Variants in KIFAP3 observed in about 807,000 individuals in gnomAD.
The protein encoded by KIFAP3 is kinesin-associated protein 3.
KIFAP3 carries 68 observed loss-of-function variants against 106.5 expected under a neutral mutation model. The observed-to-expected ratio is 0.64, with a 90% confidence interval of 0.53 to 0.78. The LOEUF (loss-of-function observed/expected upper bound fraction) is 0.78, where lower values mean the gene tolerates loss of function less well. KIFAP3 is among the 30% of genes least tolerant of loss of function. The pLI, the probability that KIFAP3 is intolerant of heterozygous loss-of-function variation, is 0.00. For missense variants in KIFAP3, 780 were observed against 941.8 expected, an observed-to-expected ratio of 0.83 and a Z score of 2.25; for synonymous variants, 320 against 311.5, an observed-to-expected ratio of 1.03 and a Z score of -0.29.
chr1:169,932,657 A>G (rs1663555151), intron 19 of KIFAP3, among the ~76,000 whole-genome samples: 1 of 151,714 alleles, frequency 6.6e-6, no homozygotes. Flanking sequence ...TCTCTCTTAT[A>G]TGAATAAAAA....
intron 11 of KIFAP3, among the ~76,000 whole-genome samples, chr1:169,987,465 C>A (rs541536034): frequency 6.6e-6 from 1 of 152,032 alleles, no homozygotes; most frequent in African/African-American, 2.4e-5. Context: ...CTCTACCACC[C>A]CCATCCCCTA....
intron 18 of KIFAP3, among the ~76,000 whole-genome samples, chr1:169,956,613 T>G (rs1023627294): frequency 6.8e-6 from 1 of 146,068 alleles, no homozygotes; most frequent in Non-Finnish European, 1.5e-5. Flanking sequence ...TGAAGTTCTT[T>G]TTTTTTTTTT....
chr1:170,049,555 C>A (rs1166361382), intron 2 of KIFAP3, among the ~76,000 whole-genome samples: 1 of 152,212 alleles, frequency 6.6e-6, no homozygotes, highest in Non-Finnish European at 1.5e-5. Flanking sequence ...GACCTCCCAA[C>A]AGGGGTTGAT....
chr1:170,039,416 ATCTCT>A (rs1164897852), intron 3 of KIFAP3, 128 bp from the exon 4 acceptor site: 7 of 559,894 alleles, frequency 1.3e-5, no homozygotes, highest in Non-Finnish European at 2.2e-5. Context: ...TTATGAAATA[ATCTCT>A]TCTCAATGCA....
chr1:169,925,217 C>T (rs1481750237), intron 19 of KIFAP3, among the ~76,000 whole-genome samples: 2 of 151,982 alleles, frequency 1.3e-5, no homozygotes, highest in African/African-American at 4.8e-5. Context: ...GCCATTTCAC[C>T]TTTTTCCTTC....
chr1:170,064,389 T>C (rs1357985799), intron 1 of KIFAP3, among the ~76,000 whole-genome samples: 1 of 152,204 alleles, frequency 6.6e-6, no homozygotes, highest in Non-Finnish European at 1.5e-5. Flanking sequence ...GGTCTCACTC[T>C]TGTCACCTAG....
At position 170,016,623 on chromosome 1, in the gene KIFAP3, A is replaced by G; in HGVS notation, c.1022T>C (p.Val341Ala). The G allele has an allele frequency of 1.3e-6, 2 of 1,562,780 alleles. No homozygotes were observed. Among genetic ancestry groups the G allele is most frequent in the African/African-American group, 1.4e-5 (1 of 72,176 alleles). Reference protein sequence around the residue: ...SIFMENKNDMVEMDIVEKLVK... With the variant: ...SIFMENKNDMAEMDIVEKLVK... Reference sequence around the variant, plus strand: ...CAGTTTTTCAACAATATCCATTTCCACCTAAGTAAAATAATAATACAAATA... The same window carrying G: ...CAGTTTTTCAACAATATCCATTTCCGCCTAAGTAAAATAATAATACAAATA... The change falls in exon 10 of 20, where the codon GTG (valine) becomes GCG (alanine). Residue 341 changes from valine (V) to alanine (A), a missense_variant and splice_region_variant. By Grantham distance (64) the Val-to-Ala change is moderately conservative. Coordinates refer to ENST00000361580, the MANE Select transcript of KIFAP3 (RefSeq NM_014970.4).
At chr1:170,077,869 T>G (rs75603336), upstream of KIFAP3, among the ~76,000 whole-genome samples, 10,842 of 150,554 alleles carry the variant, frequency 0.072, 435 homozygotes, top group Non-Finnish European at 0.095. Flanking sequence ...GACAATCCAT[T>G]TTGTTTTTCG....
intron 19 of KIFAP3, among the ~76,000 whole-genome samples, chr1:169,925,369 C>T (rs980560046): frequency 4.0e-5 from 6 of 151,894 alleles, no homozygotes; most frequent in Middle Eastern, 3.4e-3. Flanking sequence ...AGTCAATCTG[C>T]CATTAAGTTT....
rs1670289041 is a variant in KIFAP3, at chr1:170,046,937, T to G, written c.165-71A>C. ...TAACTTCAATACTACTACTTTAAAA[T>G]AATTTATAGATTATAAATTATTATA... On this transcript the variant is annotated intron_variant, in intron 2 of 19. Transcript: ENST00000361580. 4.9e-6 allele frequency: 4 copies of G among 813,796 alleles called. No individual in the cohort carries two copies. In the South Asian group the frequency reaches 1.5e-4, roughly 30 times the overall value. The allele number at this position is 813,796 out of a possible 1,614,324, so 50.4% of individuals were successfully genotyped here.
At chr1:169,993,287 T>G (rs1387135299) in intron 10 of KIFAP3, among the ~76,000 whole-genome samples, 1 of 151,586 alleles carries the variant, frequency 6.6e-6, no homozygotes, top group Non-Finnish European at 1.5e-5. Flanking sequence ...TTTATTTTTA[T>G]TTTTAGTAGA....
chr1:170,063,063 C>A (rs1386831259), intron 1 of KIFAP3, among the ~76,000 whole-genome samples: 1 of 152,092 alleles, frequency 6.6e-6, no homozygotes, highest in East Asian at 1.9e-4. Context: ...CCAAAACTAG[C>A]CTTGAAACCA....
intron 16 of KIFAP3, among the ~76,000 whole-genome samples, chr1:169,973,136 C>T (rs1435881921): frequency 2.2e-5 from 1 of 44,954 alleles, no homozygotes; most frequent in Admixed American, 2.6e-4. Flanking sequence ...CAACACAAAT[C>T]AGGATTAGAA....
Position 170,074,614 on chromosome 1 carries a change from T to A in KIFAP3, c.-147A>T. 1 of 1,513,252 alleles carries A rather than the reference T, an allele frequency of 6.6e-7. No individual in the cohort carries two copies. The highest frequency in any genetic ancestry group is 2.1e-5 in the Admixed American group (1 of 48,736). The allele number at this position is 1,513,252 out of a possible 1,614,324, so 93.7% of individuals were successfully genotyped here. On this transcript the variant is annotated 5_prime_UTR_variant, in exon 1 of 20. Coordinates refer to ENST00000361580, the MANE Select transcript of KIFAP3 (RefSeq NM_014970.4). ...GGCGGGGCAGCAGCGGCGCTGTGGT[T>A]ACCACGGTGAAGCCTCCAGCTCCTC... is the stretch of plus-strand genomic sequence containing the variant.
At chr1:170,048,505 T>G (rs1336093858) in intron 2 of KIFAP3, among the ~76,000 whole-genome samples, 1 of 151,914 alleles carries the variant, frequency 6.6e-6, no homozygotes, top group Non-Finnish European at 1.5e-5. Context: ...GAACATGTTT[T>G]CAACTCATTT....
intron 19 of KIFAP3, among the ~76,000 whole-genome samples, chr1:169,932,704 T>C (rs1334418905): frequency 1.1e-5 from 1 of 94,024 alleles, no homozygotes; most frequent in East Asian, 3.3e-4. Context: ...TTTTTTTTTT[T>C]AATTAATGTT....
chr1:169,955,529 C>T (rs1048142306), intron 18 of KIFAP3, among the ~76,000 whole-genome samples: 7 of 152,060 alleles, frequency 4.6e-5, no homozygotes, highest in African/African-American at 9.6e-5. Flanking sequence ...AGTTAAATGA[C>T]GAAATCTGTT....
chr1:169,931,228 TATTA>T (rs1663458476), intron 19 of KIFAP3, among the ~76,000 whole-genome samples: 1 of 152,178 alleles, frequency 6.6e-6, no homozygotes, highest in African/African-American at 2.4e-5. Flanking sequence ...CCCATTTTAT[TATTA>T]TTTATCTGCA....
intron 10 of KIFAP3, among the ~76,000 whole-genome samples, chr1:170,015,411 T>C (rs747986660): frequency 9.9e-5 from 15 of 152,178 alleles, no homozygotes; most frequent in Non-Finnish European, 1.5e-4. Flanking sequence ...CCTCCTCAAA[T>C]GTCTACATTG....
Sources: allele counts gnomAD v4.1 joint callset (sites outside exome capture counted in the v4.1 genomes callset), GRCh38; gene constraint gnomAD v4.1.1; transcripts MANE v1.5; gene names NCBI Gene and HGNC (gene_info 2026-07-23, HGNC 2026-07-21).